The following TRERF1 variants were observed in gnomAD, a reference collection of about 807,000 sequenced individuals.
TRERF1 encodes the protein transcriptional regulating factor 1.
A neutral mutation model predicts 122.9 loss-of-function variants in TRERF1; 27 were observed. The observed-to-expected ratio is 0.22, with a 90% CI of 0.16 to 0.30. The LOEUF (loss-of-function observed/expected upper bound fraction) is 0.30, where lower values mean the gene tolerates loss of function less well. Ranked by LOEUF, TRERF1 falls within the 10% of genes least tolerant of loss-of-function variation. The pLI is 1.00. For synonymous variants in TRERF1, 636 were observed against 641.7 expected (o/e 0.99, Z 0.13); for missense variants, 1,248 against 1,560.3 (o/e 0.80, Z 3.37).
chr6:42,255,433 A>G (rs1171175436), intron 12 of TRERF1, among the ~76,000 whole-genome samples: 2 of 152,282 alleles, frequency 1.3e-5, no homozygotes, highest in Non-Finnish European at 2.9e-5. Flanking sequence ...AAGATGCCGC[A>G]GGCAGAGTTG....
At chr6:42,431,897 G>GA (rs1329633128) in intron 2 of TRERF1, among the ~76,000 whole-genome samples, 1 of 152,014 alleles carries the variant, frequency 6.6e-6, no homozygotes, top group African/African-American at 2.4e-5. Context: ...CGATGAGAAA[G>GA]AAAAAAAGGC....
At chr6:42,246,413 C>A (rs957656867) in intron 14 of TRERF1, 43 bp downstream of exon 14, 1 of 1,416,026 alleles carries the variant, frequency 7.1e-7, no homozygotes, top group South Asian at 1.3e-5. Flanking sequence ...GTACAATTTC[C>A]CAAATTTAAT....
chr6:42,392,632 C>A (rs982287092), intron 2 of TRERF1, among the ~76,000 whole-genome samples: 1 of 152,078 alleles, frequency 6.6e-6, no homozygotes, highest in Non-Finnish European at 1.5e-5. Context: ...GAGCATCAGT[C>A]TTAGCAGAAA....
At chr6:42,431,905 G>A (rs1411796520) in intron 2 of TRERF1, among the ~76,000 whole-genome samples, 1 of 152,178 alleles carries the variant, frequency 6.6e-6, no homozygotes, top group Non-Finnish European at 1.5e-5. Flanking sequence ...AAGAAAAAAA[G>A]GCCCAACTAA....
At chr6:42,402,898 G>T (rs536637365) in intron 2 of TRERF1, among the ~76,000 whole-genome samples, 2 of 152,076 alleles carry the variant, frequency 1.3e-5, no homozygotes, top group Non-Finnish European at 2.9e-5. Flanking sequence ...ACCCAGGGTC[G>T]CACATTAATT....
chr6:42,268,309 G>C lies in TRERF1; in HGVS notation c.1282C>G (p.Pro428Ala). 6.6e-7 allele frequency: 1 copy of C among 1,513,502 alleles called. No individual in the cohort carries two copies. Among genetic ancestry groups the C allele is most frequent in the Non-Finnish European group, 8.8e-7 (1 of 1,131,996 alleles). 93.8% of individuals were successfully genotyped at this position (1,513,502 alleles called of 1,614,324 possible). A position where few individuals can be genotyped will look rare whatever the true frequency, so the allele number is the denominator to read the frequency against. Residue 428 changes from proline to alanine, a missense_variant, in exon 5 of 18, where the codon CCT (proline) becomes GCT (alanine). Physicochemically the swap from Pro to Ala is conservative, Grantham distance 27 (BLOSUM62 -1). This residue lies in a region of TRERF1 where 946 missense variants were observed against 1,073.0 expected (regional missense o/e 0.88). Transcript: ENST00000372922. The surrounding 1 kb of genome is among the most constrained non-coding windows in gnomAD (Gnocchi z 4.4). ...GGGTCTCCCATTCCTGTGTCAGGAG[G>C]CCCCAGGTCCCCATGGGAGCTCAGC...
intron 3 of TRERF1, among the ~76,000 whole-genome samples, chr6:42,312,638 G>A (rs188232351): frequency 3.9e-5 from 6 of 152,320 alleles, no homozygotes; most frequent in Admixed American, 1.3e-4. Context: ...ACCTTCGGGA[G>A]CAGATACAGA....
intron 3 of TRERF1, among the ~76,000 whole-genome samples, chr6:42,322,518 C>T (rs185732047): frequency 2.6e-4 from 40 of 152,104 alleles, no homozygotes; most frequent in Admixed American, 2.4e-3. Flanking sequence ...CAGATCAATT[C>T]GTGGGGTTGT....
chr6:42,226,551 C>G (rs1221968941), exon 18 of TRERF1: 1 of 152,262 alleles, frequency 6.6e-6, no homozygotes, highest in South Asian at 2.1e-4. Flanking sequence ...CTTTTTTCCC[C>G]CTCTAAACAA....
intron 4 of TRERF1, among the ~76,000 whole-genome samples, chr6:42,299,116 C>CTGTCTGTCTGTCTGTCTGTATCTATCTA (rs10627056): frequency 6.3e-5 from 9 of 141,758 alleles, no homozygotes; most frequent in Admixed American, 2.1e-4. Context: ...GTCTGTCTGT[C>CTGTCTGTCTGTCTGTCTGTATCTATCTA]TCTATCTATC....
intron 2 of TRERF1, among the ~76,000 whole-genome samples, chr6:42,403,318 A>G (rs1349683586): frequency 6.6e-6 from 1 of 152,146 alleles, no homozygotes; most frequent in East Asian, 1.9e-4. Flanking sequence ...GTTAGTTAAG[A>G]TGAGGTTATA....
At chr6:42,380,296 G>C (rs1246283775) in intron 2 of TRERF1, among the ~76,000 whole-genome samples, 1 of 152,164 alleles carries the variant, frequency 6.6e-6, no homozygotes, top group African/African-American at 2.4e-5. Flanking sequence ...TTTCTCTGGG[G>C]GAGATGGAGC....
At chr6:42,262,828 G>A (rs1234273421) in intron 8 of TRERF1, among the ~76,000 whole-genome samples, 2 of 152,158 alleles carry the variant, frequency 1.3e-5, no homozygotes, top group African/African-American at 4.8e-5. Context: ...TTGTCAGAAT[G>A]GATGCCAGGG....
intron 16 of TRERF1, among the ~76,000 whole-genome samples, chr6:42,233,507 G>T (rs4711711): frequency 4.0e-5 from 6 of 151,700 alleles, no homozygotes; most frequent in Non-Finnish European, 5.9e-5. Flanking sequence ...GGATGGTCTC[G>T]ATCTCCTGAC....
intron 2 of TRERF1, among the ~76,000 whole-genome samples, chr6:42,387,378 T>C (rs1427382164): frequency 6.6e-6 from 1 of 152,206 alleles, no homozygotes; most frequent in Non-Finnish European, 1.5e-5. Context: ...CAGACTTAGC[T>C]TTCTTTCCTT....
chr6:42,376,003 C>T (rs1774779959), intron 2 of TRERF1, among the ~76,000 whole-genome samples: 1 of 152,140 alleles, frequency 6.6e-6, no homozygotes, highest in African/African-American at 2.4e-5. Flanking sequence ...AATGTCCCCC[C>T]TTTAGGAAAT....
Position 42,263,278 on chromosome 6 carries a change from A to G in TRERF1, c.1884+42T>C. On this transcript the variant is annotated intron_variant, in intron 8 of 17. Transcript: ENST00000372922. This position sits in a 1 kb window ranked among gnomAD's most constrained non-coding sequence, Gnocchi z 5.6. Reference sequence around the variant, plus strand: ...AACTCACAGCAGGCGTGCGGGGGGCAGCCCCTTGGGGTGAGTGTGGGGGAG... The same window carrying G: ...AACTCACAGCAGGCGTGCGGGGGGCGGCCCCTTGGGGTGAGTGTGGGGGAG... The G allele has an allele frequency of 6.4e-7, 1 of 1,567,236 alleles. No individual in the cohort carries two copies. Among genetic ancestry groups the G allele is most frequent in the South Asian group, 1.2e-5 (1 of 83,706 alleles).
chr6:42,225,165 C>T (rs1157973000), downstream of TRERF1: 2 of 147,582 alleles, frequency 1.4e-5, no homozygotes, highest in African/African-American at 5.0e-5. Flanking sequence ...AAGCTTATCA[C>T]TTGGAGGGGA....
chr6:42,327,301 G>C (rs1764460012), intron 3 of TRERF1, among the ~76,000 whole-genome samples: 1 of 152,220 alleles, frequency 6.6e-6, no homozygotes, highest in Non-Finnish European at 1.5e-5. Context: ...AACCAACCCA[G>C]AGGAGGAGCT....
Sources: gnomAD v4.1 joint callset for allele counts (sites outside exome capture counted in the v4.1 genomes callset) on GRCh38, gnomAD v4.1.1 for gene constraint, gnomAD v4.1.1 regional missense constraint, Gnocchi (gnomAD v3.1) non-coding constraint, MANE v1.5 for transcripts, NCBI Gene and HGNC (gene_info 2026-07-23, HGNC 2026-07-21) for gene names.